SAMMSON: variants seen among roughly 807,000 people sequenced by gnomAD.
SAMMSON encodes the protein survival associated mitochondrial melanoma specific oncogenic non-coding RNA.
chr3:70,138,491 T>G (rs1260410869), intron 4 of SAMMSON, among the ~76,000 whole-genome samples: 4 of 152,198 alleles, frequency 2.6e-5, no homozygotes, highest in Admixed American at 2.6e-4. Flanking sequence ...GGCTTTGCTC[T>G]TATGTCCTAA....
At chr3:70,241,586 A>G (rs1450930893) in intron 4 of SAMMSON, among the ~76,000 whole-genome samples, 1 of 152,100 alleles carries the variant, frequency 6.6e-6, no homozygotes, top group Non-Finnish European at 1.5e-5. Context: ...CTCATTTTAG[A>G]GGTAAGGAAG....
intron 4 of SAMMSON, among the ~76,000 whole-genome samples, chr3:70,186,457 G>A (rs1701093317): frequency 6.6e-6 from 1 of 151,284 alleles, no homozygotes; most frequent in Non-Finnish European, 1.5e-5. Flanking sequence ...TATTTTTTTT[G>A]TAGAGATGAG....
chr3:70,075,882 G>GT (rs11456171), intron 4 of SAMMSON, among the ~76,000 whole-genome samples: 123,118 of 140,300 alleles, frequency 0.88, 54,000 homozygotes, highest in Admixed American at 0.91. Flanking sequence ...TTCGATACCT[G>GT]TTTTTTTTTT....
In SAMMSON at chr3:70,126,455, C is replaced by G. The variant is rs979133161; in HGVS notation, n.507+54890C>G. ...CTTATCTGACAGGTCATGCACCAAC[C>G]GTGCCTTGAAGTACTTCAGCAAGTC... On this transcript the variant is annotated intron_variant and non_coding_transcript_variant, in intron 4 of 9. Coordinates refer to ENST00000642114, the Ensembl canonical transcript of SAMMSON. 238 of 676,152 alleles carry G rather than the reference C, an allele frequency of 3.5e-4. 1 individual carries two copies. The highest frequency in any genetic ancestry group is 3.4e-3 in the South Asian group (214 of 63,108). The allele number at this position is 676,152 out of a possible 1,614,324, so 41.9% of individuals were successfully genotyped here. A position where few individuals can be genotyped will look rare whatever the true frequency, so the allele number is the denominator to read the frequency against.
chr3:70,181,894 G>A (rs1008621274), intron 4 of SAMMSON, among the ~76,000 whole-genome samples: 2 of 152,078 alleles, frequency 1.3e-5, no homozygotes, highest in African/African-American at 2.4e-5. Flanking sequence ...AATAATTGGC[G>A]ATTTAGTATC....
intron 4 of SAMMSON, chr3:70,183,711 G>T (rs1357161285): frequency 6.6e-6 from 1 of 152,098 alleles, no homozygotes; most frequent in African/African-American, 2.4e-5. Context: ...TCACATAGTG[G>T]CATCATGTGA....
At position 70,207,803 on chromosome 3, in the gene SAMMSON, A is replaced by C. The variant is rs536028944; in HGVS notation, n.508-41304A>C. Reference sequence around the variant, plus strand: ...ATATGCAAATACCACATCATTTTATATTAGAGACCTGAGCATCTGAAAATT... The same window carrying C: ...ATATGCAAATACCACATCATTTTATCTTAGAGACCTGAGCATCTGAAAATT... On this transcript the variant is annotated intron_variant and non_coding_transcript_variant, in intron 4 of 9. Transcript: ENST00000642114. 3.9e-5 allele frequency among the ~76,000 whole-genome samples: 6 copies of C among 152,176 alleles called. No individual in the cohort carries two copies. The East Asian group carries it at 9.7e-4, about 25-fold the overall frequency.
chr3:70,365,825 T>C (rs1702915690), intron 9 of SAMMSON, among the ~76,000 whole-genome samples: 2 of 151,740 alleles, frequency 1.3e-5, no homozygotes, highest in South Asian at 4.1e-4. Flanking sequence ...TTTGGGAGAT[T>C]TCTTGACCTC....
chr3:70,282,906 G>C (rs182775575), intron 6 of SAMMSON, among the ~76,000 whole-genome samples: 230 of 152,240 alleles, frequency 1.5e-3, no homozygotes, highest in African/African-American at 5.3e-3. Flanking sequence ...CTCTCCCCAG[G>C]ATGAAATAGT....
intron 4 of SAMMSON, among the ~76,000 whole-genome samples, chr3:70,088,095 C>G (rs2067292307): frequency 6.6e-6 from 1 of 152,130 alleles, no homozygotes; most frequent in African/African-American, 2.4e-5. Flanking sequence ...TCTGTGATGG[C>G]TTTATTCCCA....
Position 70,095,750 on chromosome 3 carries a change from C to T in SAMMSON, n.507+24185C>T, listed in dbSNP as rs1178827228. On this transcript the variant is annotated intron_variant and non_coding_transcript_variant, in intron 4 of 9. Coordinates refer to ENST00000642114, the Ensembl canonical transcript of SAMMSON. Reference sequence around the variant, plus strand: ...AAGAACTTAGGCTATTTATGTGCCACAAATAAGTGCTATCTAAGTGTTAAC... The same window carrying T: ...AAGAACTTAGGCTATTTATGTGCCATAAATAAGTGCTATCTAAGTGTTAAC... 2.0e-5 allele frequency among the ~76,000 whole-genome samples: 3 copies of T among 152,048 alleles called. 1 individual carries two copies. The highest frequency in any genetic ancestry group is 2.0e-4 in the Admixed American group (3 of 15,250).
Position 70,304,188 on chromosome 3 carries a change from C to G in SAMMSON, n.739+12945C>G, listed in dbSNP as rs190938600. Among the ~76,000 whole-genome samples the G allele has an allele frequency of 1.7e-3, 254 of 152,258 alleles. 1 individual carries two copies. Among genetic ancestry groups the G allele is most frequent in the Non-Finnish European group, 2.8e-3 (191 of 68,030 alleles). ...CTCTTGGGTGAAGATGTCCCAGTCA[C>G]TCCTGTTTTCTTTCACTTCTTGGAG... On this transcript the variant is annotated intron_variant and non_coding_transcript_variant, in intron 7 of 9. Transcript: ENST00000642114.
At chr3:70,358,118 A>C (rs1575632963) in intron 8 of SAMMSON, 1 of 152,306 alleles carries the variant, frequency 6.6e-6, no homozygotes, top group East Asian at 1.9e-4. Context: ...CAAAAAATAA[A>C]GTATATTGAC....
At chr3:70,202,345 CAGTT>C (rs989814407) in intron 4 of SAMMSON, among the ~76,000 whole-genome samples, 44 of 152,148 alleles carry the variant, frequency 2.9e-4, no homozygotes, top group African/African-American at 1.0e-3. Context: ...TATCTGACAA[CAGTT>C]AGTACTAGTG....
intron 1 of SAMMSON, among the ~76,000 whole-genome samples, chr3:70,006,273 T>A (rs139306088): frequency 6.6e-6 from 1 of 152,338 alleles, no homozygotes; most frequent in East Asian, 1.9e-4. Flanking sequence ...AGCTGTGCTC[T>A]CACACATTTG....
At chr3:70,075,672 C>G (rs989561672) in intron 4 of SAMMSON, among the ~76,000 whole-genome samples, 1 of 152,054 alleles carries the variant, frequency 6.6e-6, no homozygotes, top group African/African-American at 2.4e-5. Flanking sequence ...TCAAAACCTA[C>G]TAGTGCTTTA....
In SAMMSON at chr3:70,090,375, G is replaced by A. The variant is rs556278051; in HGVS notation, n.507+18810G>A. Among the ~76,000 whole-genome samples, 5 of 152,212 alleles carry A rather than the reference G, an allele frequency of 3.3e-5. No homozygotes were observed. In the South Asian group the frequency reaches 1.0e-3, roughly 32 times the overall value. ...TCAGAGACTTGCTCTTACTGTTAAT[G>A]GCATTTAGCTTGTGAAATTGAACAA... On this transcript the variant is annotated intron_variant and non_coding_transcript_variant, in intron 4 of 9. Transcript: ENST00000642114.
chr3:70,176,887 T>C (rs1368470443), intron 4 of SAMMSON, among the ~76,000 whole-genome samples: 1 of 152,206 alleles, frequency 6.6e-6, no homozygotes, highest in Non-Finnish European at 1.5e-5. Context: ...AAAATTTCTC[T>C]TCAACCGGGT....
chr3:70,079,631 T>C (rs980521926), intron 4 of SAMMSON, among the ~76,000 whole-genome samples: 2 of 152,238 alleles, frequency 1.3e-5, no homozygotes, highest in African/African-American at 2.4e-5. Flanking sequence ...TATGTGCTAA[T>C]GTAAGTGTTC....
Sources: gnomAD v4.1 joint callset for allele counts (sites outside exome capture counted in the v4.1 genomes callset) on GRCh38, gnomAD v4.1.1 for gene constraint, MANE v1.5 for transcripts, NCBI Gene and HGNC (gene_info 2026-07-23, HGNC 2026-07-21) for gene names.